The following SIAE variants were observed in gnomAD, a reference collection of about 807,000 sequenced individuals.
SIAE encodes the protein sialate O-acetylesterase.
A neutral mutation model predicts 52.6 loss-of-function variants in SIAE; 39 were observed. That is an observed-to-expected ratio of 0.74 (90% CI 0.57 to 0.97). The LOEUF (loss-of-function observed/expected upper bound fraction) is 0.97. Ranked by LOEUF, SIAE falls within the 50% of genes least tolerant of loss-of-function variation. The probability of loss-of-function intolerance (pLI) is 0.00; values close to 1 mark genes in which losing one functional copy is unlikely to be tolerated. For missense variants in SIAE, 592 were observed against 662.1 expected (o/e 0.89, Z 1.16); for synonymous variants, 233 against 241.4 (o/e 0.97, Z 0.32).
intron 2 of SIAE, among the ~76,000 whole-genome samples, chr11:124,667,589 A>G (rs952632071): frequency 3.9e-5 from 6 of 152,138 alleles, no homozygotes; most frequent in African/African-American, 1.4e-4. Flanking sequence ...GGCCAGTACA[A>G]TTCCCACAAG....
chr11:124,634,307 C>G lies in SIAE; in HGVS notation c.*2644G>C, dbSNP rs1324772870. 6.6e-6 allele frequency: 1 copy of G among 152,278 alleles called. No homozygotes were observed. Among genetic ancestry groups the G allele is most frequent in the African/African-American group, 2.4e-5 (1 of 41,448 alleles). The allele number at this position is 152,278 out of a possible 1,614,324, so 9.4% of individuals were successfully genotyped here. On this transcript the variant is annotated 3_prime_UTR_variant, in exon 10 of 10. Transcript: ENST00000263593. ...CCGAGACCGCGCCACTGCACTCCAG[C>G]CTGGGCAACAGAGCAAAACTCCAAC...
chr11:124,660,215 G>A (rs777036843), intron 3 of SIAE: 3 of 251,608 alleles, frequency 1.2e-5, no homozygotes, highest in African/African-American at 2.3e-5. Flanking sequence ...GCTTGAACCC[G>A]GGAGGTGGAG....
chr11:124,667,203 A>T (rs1023161862), intron 2 of SIAE, among the ~76,000 whole-genome samples: 10 of 152,160 alleles, frequency 6.6e-5, no homozygotes, highest in African/African-American at 2.4e-4. Flanking sequence ...GAGTGCCATT[A>T]TTTGTACACA....
upstream of SIAE, chr11:124,673,961 G>T: frequency 1.8e-6 from 1 of 558,790 alleles, no homozygotes; most frequent in South Asian, 2.2e-5. Flanking sequence ...AGGTGAGGCC[G>T]CTTCCCCACT....
At position 124,654,661 on chromosome 11, in the gene SIAE, TG is replaced by T; in HGVS notation, c.537del (p.Thr180ProfsTer5). 1 of 1,614,138 alleles carries T rather than the reference TG, an allele frequency of 6.2e-7. No individual in the cohort carries two copies. The highest frequency in any genetic ancestry group is 8.5e-7 in the Non-Finnish European group (1 of 1,179,994). ...CGTTCAAGCCGTCACATACCTGAGG[TG>T]GGCTTAGACCACTGCAAGTCAACCG... The part of the protein sequence containing the change: ...LVAVDLQWSK[P>X]TSENLGHGYF... On this transcript the variant is annotated frameshift_variant, in exon 4 of 10. Coordinates refer to ENST00000263593, the MANE Select transcript of SIAE (RefSeq NM_170601.5). LOFTEE classifies it high-confidence loss of function.
At chr11:124,652,079 A>G (rs1943025520) in intron 4 of SIAE, among the ~76,000 whole-genome samples, 1 of 152,210 alleles carries the variant, frequency 6.6e-6, no homozygotes, top group African/African-American at 2.4e-5. Flanking sequence ...ATTATAAAAG[A>G]GAACAGTGGA....
chr11:124,658,436 A>AG (rs1943133255), intron 3 of SIAE, among the ~76,000 whole-genome samples: 1 of 151,460 alleles, frequency 6.6e-6, no homozygotes, highest in African/African-American at 2.4e-5. Context: ...TCTCTTCTGG[A>AG]TCTTAATTTC....
In SIAE at chr11:124,638,616, C is replaced by T; in HGVS notation, c.1246G>A (p.Ala416Thr). Residue 416 changes from alanine to threonine, a missense_variant, in exon 9 of 10, where the codon GCT becomes ACT. Transcript: ENST00000263593. ...GTGAGATTGAGCAGCCCCTTGTGAGCCAAGAGTTCTATCTTCTCAGGCAGT... is the reference window on the plus strand; with the variant it reads ...GTGAGATTGAGCAGCCCCTTGTGAGTCAAGAGTTCTATCTTCTCAGGCAGT... ...GPLPEKIELL[A>T]HKGLLNLTYY... The T allele has an allele frequency of 1.2e-6, 2 of 1,614,110 alleles. No individual in the cohort carries two copies. The highest frequency in any genetic ancestry group is 1.7e-6 in the Non-Finnish European group (2 of 1,180,008).
At chr11:124,672,101 C>T (rs538597664) in intron 1 of SIAE, among the ~76,000 whole-genome samples, 7 of 151,982 alleles carry the variant, frequency 4.6e-5, no homozygotes, top group Non-Finnish European at 7.4e-5. Flanking sequence ...TTAGTAGAGA[C>T]GGGGTTTCGC....
chr11:124,666,892 G>A (rs981221248), intron 2 of SIAE, among the ~76,000 whole-genome samples: 7 of 152,152 alleles, frequency 4.6e-5, no homozygotes, highest in Admixed American at 3.3e-4. Context: ...GGAAAAGGGA[G>A]GCTTCCCTCC....
chr11:124,654,622 T>A (rs375461666), intron 4 of SIAE, 33 bp downstream of exon 4: 2 of 1,614,010 alleles, frequency 1.2e-6, no homozygotes. Flanking sequence ...TAACCCATTA[T>A]ATAAGAGACA....
Position 124,634,002 on chromosome 11 carries a change from C to T in SIAE, c.*2949G>A, listed in dbSNP as rs1942666270. ...TGTACGTATACCACATATACATATA[C>T]TTGTATGAAGATATGTGTAAAATGT... On this transcript the variant is annotated 3_prime_UTR_variant, in exon 10 of 10. Coordinates refer to ENST00000263593, the MANE Select transcript of SIAE (RefSeq NM_170601.5). The T allele has an allele frequency of 6.6e-6, 1 of 152,180 alleles. No homozygotes were observed. Among genetic ancestry groups the T allele is most frequent in the South Asian group, 2.1e-4 (1 of 4,832 alleles). The allele number at this position is 152,180 out of a possible 1,614,324, so 9.4% of individuals were successfully genotyped here.
At chr11:124,658,711 G>A (rs1477768739) in intron 3 of SIAE, among the ~76,000 whole-genome samples, 3 of 152,134 alleles carry the variant, frequency 2.0e-5, no homozygotes, top group African/African-American at 2.4e-5. Flanking sequence ...TGATTTGAAT[G>A]TGAAGAGTGG....
At position 124,635,627 on chromosome 11, in the gene SIAE, A is replaced by AT. The variant is rs1242704182; in HGVS notation, c.*1323dup. On this transcript the variant is annotated 3_prime_UTR_variant, in exon 10 of 10. Coordinates refer to ENST00000263593, the MANE Select transcript of SIAE (RefSeq NM_170601.5). Reference sequence around the variant, plus strand: ...TTAATATATTCACTATCTAAACCATATTTTTTACACTACGTAAAATACATT... The same window carrying AT: ...TTAATATATTCACTATCTAAACCATATTTTTTTACACTACGTAAAATACATT... 6.6e-6 allele frequency: 1 copy of AT among 152,246 alleles called. No homozygotes were observed. 9.4% of individuals were successfully genotyped at this position (152,246 alleles called of 1,614,324 possible).
chr11:124,660,888 C>T (rs1943178365), intron 2 of SIAE, 85 bp from the exon 3 acceptor site: 4 of 1,500,362 alleles, frequency 2.7e-6, no homozygotes, highest in East Asian at 4.5e-5. Flanking sequence ...TGGCTATTCC[C>T]AGCCTCTGTA....
chr11:124,661,988 G>A (rs1236120703), intron 2 of SIAE, among the ~76,000 whole-genome samples: 1 of 152,168 alleles, frequency 6.6e-6, no homozygotes, highest in Non-Finnish European at 1.5e-5. Flanking sequence ...TACAACAGGT[G>A]ACTAATAAAA....
chr11:124,653,421 G>A (rs1309348456), intron 4 of SIAE, among the ~76,000 whole-genome samples: 1 of 152,090 alleles, frequency 6.6e-6, no homozygotes, highest in African/African-American at 2.4e-5. Context: ...CTGAGGGAAG[G>A]GAATGAAGAA....
intron 6 of SIAE, among the ~76,000 whole-genome samples, chr11:124,647,849 A>G (rs550318645): frequency 2.0e-5 from 3 of 152,294 alleles, no homozygotes; most frequent in Non-Finnish European, 2.9e-5. Flanking sequence ...TCATCCAGCC[A>G]CCAGACAATC....
intron 3 of SIAE, among the ~76,000 whole-genome samples, chr11:124,658,475 T>C (rs1943134285): frequency 1.3e-5 from 2 of 152,056 alleles, no homozygotes; most frequent in African/African-American, 4.8e-5. Context: ...ATGTGGGGAG[T>C]TCTGAGATAT....
Sources: allele counts gnomAD v4.1 joint callset (sites outside exome capture counted in the v4.1 genomes callset), GRCh38; gene constraint gnomAD v4.1.1; transcripts MANE v1.5; gene names NCBI Gene and HGNC (gene_info 2026-07-23, HGNC 2026-07-21).